FRAS1: variants seen among roughly 807,000 people sequenced by gnomAD.
FRAS1 encodes Fraser extracellular matrix complex subunit 1, also known as extracellular matrix organizing protein FRAS1.
In FRAS1, 290 loss-of-function variants were observed where a neutral mutation model predicts 435.2. That is an observed-to-expected ratio of 0.67 (90% CI 0.61 to 0.73). The LOEUF (loss-of-function observed/expected upper bound fraction) is 0.73, where lower values mean the gene tolerates loss of function less well. Among genes scored for constraint, FRAS1 ranks in the 30% least tolerant of loss-of-function variants. The pLI, the probability that FRAS1 is intolerant of heterozygous loss-of-function variation, is 0.00. For synonymous variants in FRAS1, 1,800 were observed against 1,851.0 expected (o/e 0.97, Z 0.71); for missense variants, 4,860 against 5,001.5 (o/e 0.97, Z 0.85).
intron 14 of FRAS1, among the ~76,000 whole-genome samples, chr4:78,305,866 A>G (rs1381152380): frequency 6.6e-6 from 1 of 151,272 alleles, no homozygotes; most frequent in Non-Finnish European, 1.5e-5. Context: ...ATTTACATTT[A>G]AAGTTAATAT....
At chr4:78,526,198 A>G (rs540566808) in intron 69 of FRAS1, among the ~76,000 whole-genome samples, 7 of 152,184 alleles carry the variant, frequency 4.6e-5, no homozygotes, top group Non-Finnish European at 7.3e-5. Flanking sequence ...AAATTGTCAA[A>G]CAAGTCTCAT....
chr4:78,518,441 T>TAC (rs375812969), intron 66 of FRAS1, among the ~76,000 whole-genome samples: 18,905 of 131,992 alleles, frequency 0.14, 1,570 homozygotes, highest in Non-Finnish European at 0.2. Context: ...TATATATATA[T>TAC]ATATATATAT....
At position 78,252,564 on chromosome 4, in the gene FRAS1, T is replaced by C; in HGVS notation, c.469+13T>C. 1 of 1,608,306 alleles carries C rather than the reference T, an allele frequency of 6.2e-7. No individual in the cohort carries two copies. The highest frequency in any genetic ancestry group is 8.5e-7 in the Non-Finnish European group (1 of 1,177,628). On this transcript the variant is annotated intron_variant, in intron 5 of 73. Transcript: ENST00000512123. ...GTGGGCCTTGGGAGTGAGTATGAGC[T>C]TGTAGAAGGGGACCCTCTTTGCTTG...
At chr4:78,459,950 A>G (rs569619047) in intron 47 of FRAS1, among the ~76,000 whole-genome samples, 1 of 152,286 alleles carries the variant, frequency 6.6e-6, no homozygotes. Flanking sequence ...ATCTACAATT[A>G]CACTATTTCC....
chr4:78,441,336 AGG>A (rs1449129729), intron 41 of FRAS1, 39 bp downstream of exon 41: 4 of 1,584,166 alleles, frequency 2.5e-6, no homozygotes, highest in African/African-American at 1.3e-5. Flanking sequence ...CCTTGAGAGA[AGG>A]GAGGGGAGAG....
intron 18 of FRAS1, among the ~76,000 whole-genome samples, chr4:78,320,656 CTTCT>C (rs1185540758): frequency 1.3e-5 from 2 of 151,648 alleles, no homozygotes; most frequent in Non-Finnish European, 2.9e-5. Flanking sequence ...TCCCTCCCTC[CTTCT>C]GTCTCTCTCT....
At chr4:78,340,682 A>T (rs895449900) in intron 20 of FRAS1, among the ~76,000 whole-genome samples, 1 of 152,110 alleles carries the variant, frequency 6.6e-6, no homozygotes, top group Admixed American at 6.5e-5. Flanking sequence ...CAAACAATGG[A>T]AATTTATTTT....
At chr4:78,372,585 GC>G (rs1159222107) in intron 23 of FRAS1, 132 bp from the exon 24 acceptor site, 1 of 1,053,414 alleles carries the variant, frequency 9.5e-7, no homozygotes, top group Non-Finnish European at 1.4e-6. Context: ...CCTCATTTGA[GC>G]CTACTTATCT....
At chr4:78,085,717 C>T (rs1021639239) in intron 2 of FRAS1, among the ~76,000 whole-genome samples, 10 of 151,970 alleles carry the variant, frequency 6.6e-5, no homozygotes, top group African/African-American at 1.4e-4. Context: ...TTCAACAAGA[C>T]GAGCCAACTA....
chr4:78,245,678 T>C (rs185591341), intron 4 of FRAS1, among the ~76,000 whole-genome samples: 253 of 152,318 alleles, frequency 1.7e-3, no homozygotes, highest in Non-Finnish European at 3.0e-3. Flanking sequence ...ATTACTCCCA[T>C]GTTAAATACG....
rs936338537 is a variant in FRAS1, at chr4:78,369,926, T to G, written c.2811T>G (p.Cys937Trp). ...ACAAGGTTCTGCTCTTTGGGGAATG[T>G]CAATACGAGAGCTGCGCCCCACAGT... is the stretch of plus-strand genomic sequence containing the variant. ...DPNKVLLFGE[C>W]QYESCAPQYY... The change falls in exon 23 of 74, where the codon TGT becomes TGG. Residue 937 changes from cysteine (C) to tryptophan (W), a missense_variant. Coordinates refer to ENST00000512123, the MANE Select transcript of FRAS1 (RefSeq NM_025074.7). The G allele has an allele frequency of 1.9e-6, 3 of 1,613,862 alleles. No homozygotes were observed. Among genetic ancestry groups the G allele is most frequent in the Admixed American group, 3.3e-5 (2 of 60,016 alleles).
intron 6 of FRAS1, among the ~76,000 whole-genome samples, chr4:78,257,276 C>A (rs73827917): frequency 6.6e-6 from 1 of 152,086 alleles, no homozygotes; most frequent in African/African-American, 2.4e-5. Flanking sequence ...CTACTACTCC[C>A]AGAATAATGA....
chr4:78,441,390 C>G, intron 41 of FRAS1, 93 bp downstream of exon 41: 1 of 1,202,666 alleles, frequency 8.3e-7, no homozygotes. Context: ...AGATGGAGAA[C>G]TACAGAGGAG....
intron 2 of FRAS1, among the ~76,000 whole-genome samples, chr4:78,201,854 G>A (rs1055882803): frequency 1.3e-5 from 2 of 152,124 alleles, no homozygotes; most frequent in Non-Finnish European, 2.9e-5. Context: ...AAAGGGGGAA[G>A]AAGAAAAGAA....
chr4:78,498,510 G>GA (rs72239803), intron 60 of FRAS1, among the ~76,000 whole-genome samples: 66,669 of 130,510 alleles, frequency 0.51, 15,758 homozygotes, highest in East Asian at 0.64. Context: ...CTGTCTCAAA[G>GA]AAAAAAAAAA....
chr4:78,436,109 G>A (rs1460279285), intron 38 of FRAS1, among the ~76,000 whole-genome samples: 1 of 152,032 alleles, frequency 6.6e-6, no homozygotes, highest in Non-Finnish European at 1.5e-5. Context: ...ATGGGAAAAC[G>A]ATATTTGCAA....
Position 78,482,488 on chromosome 4 carries a change from C to T in FRAS1, c.8705C>T (p.Thr2902Ile), listed in dbSNP as rs757116242. ...FLSSAQGAELTKPFQAVIAIN... is the reference protein window; with the variant it reads ...FLSSAQGAELIKPFQAVIAIN... ...AGCTCAGCACAAGGAGCCGAACTGACCAAACCCTTCCAGGCAGTCATTGCA... is the reference window on the plus strand; with the variant it reads ...AGCTCAGCACAAGGAGCCGAACTGATCAAACCCTTCCAGGCAGTCATTGCA... The change falls in exon 58 of 74, where the codon ACC becomes ATC. Residue 2902 changes from threonine to isoleucine, a missense_variant. Physicochemically the swap from Thr to Ile is moderately conservative, Grantham distance 89. Coordinates refer to ENST00000512123, the MANE Select transcript of FRAS1 (RefSeq NM_025074.7). 101 of 1,613,756 alleles carry T rather than the reference C, an allele frequency of 6.3e-5. No homozygotes were observed. The highest frequency in any genetic ancestry group is 7.6e-5 in the Non-Finnish European group (90 of 1,179,814).
In FRAS1 at chr4:78,388,108, G is replaced by A. The variant is rs187059036; in HGVS notation, c.3975+407G>A. Among the ~76,000 whole-genome samples the A allele has an allele frequency of 3.5e-3, 522 of 151,186 alleles. 3 individuals carry two copies. Among genetic ancestry groups the A allele is most frequent in the African/African-American group, 0.012 (485 of 41,248 alleles). ...TGGGAGGCTGAGGTGGGTGGATCAC[G>A]AGGTCAGGAGATCAAGACCATCCTG... On this transcript the variant is annotated intron_variant, in intron 29 of 73. Coordinates refer to ENST00000512123, the MANE Select transcript of FRAS1 (RefSeq NM_025074.7).
At chr4:78,466,900 T>C (rs1022715595) in intron 50 of FRAS1, among the ~76,000 whole-genome samples, 1 of 152,170 alleles carries the variant, frequency 6.6e-6, no homozygotes, top group African/African-American at 2.4e-5. Flanking sequence ...GTGTGGTTTT[T>C]GCATCCAAAA....
Sources: allele counts gnomAD v4.1 joint callset (sites outside exome capture counted in the v4.1 genomes callset), GRCh38; gene constraint gnomAD v4.1.1; transcripts MANE v1.5; gene names NCBI Gene and HGNC (gene_info 2026-07-23, HGNC 2026-07-21).